LUC7L2: variants seen among roughly 807,000 people sequenced by gnomAD.
LUC7L2 encodes the protein LUC7 like 2, pre-mRNA splicing factor.
LUC7L2 carries 25 observed loss-of-function variants against 52.8 expected under a neutral mutation model. That is an observed-to-expected ratio of 0.47 (90% confidence interval 0.34 to 0.66). The LOEUF is 0.66. Among genes scored for constraint, LUC7L2 ranks in the 30% least tolerant of loss-of-function variants. LUC7L2 has a pLI of 0.01. For missense variants in LUC7L2, 328 were observed against 497.8 expected (o/e 0.66, Z 3.25); for synonymous variants, 144 against 160.9 (o/e 0.89, Z 0.80).
chr7:139,376,038 G>A (rs1800691583), intron 1 of LUC7L2, 24 bp from the exon 2 acceptor site: 3 of 1,611,908 alleles, frequency 1.9e-6, no homozygotes, highest in South Asian at 1.1e-5. Context: ...AACCTTGAAT[G>A]TTATTAACTC....
intron 2 of LUC7L2, among the ~76,000 whole-genome samples, chr7:139,376,712 T>G (rs73484708): frequency 0.013 from 2,013 of 152,322 alleles, 38 homozygotes; most frequent in African/African-American, 0.046. Context: ...GAAGATAAAC[T>G]GCATGATGAT....
rs186282286 is a variant in LUC7L2 at position 139,352,118 on chromosome 7, C to T, written c.-26+11601C>T. Among the ~76,000 whole-genome samples, 891 of 152,198 alleles carry T rather than the reference C, an allele frequency of 5.9e-3. 7 individuals carry two copies. The highest frequency in any genetic ancestry group is 0.017 in the Middle Eastern group (5 of 294). On this transcript the variant is annotated intron_variant, in intron 1 of 10. Transcript: ENST00000541170. ...GCCGAGGTAGGAAGATCACTTGAGC[C>T]CAGGAATTAGAGGCTGCAGTGAGCT... is the stretch of plus-strand genomic sequence containing the variant.
intron 1 of LUC7L2, among the ~76,000 whole-genome samples, chr7:139,348,935 T>C (rs1044024413): frequency 6.6e-6 from 1 of 151,806 alleles, no homozygotes; most frequent in South Asian, 2.1e-4. Flanking sequence ...CTGAGGCAGG[T>C]AGATCACTTG....
intron 1 of LUC7L2, among the ~76,000 whole-genome samples, chr7:139,361,465 T>C (rs1799879026): frequency 6.6e-6 from 1 of 152,254 alleles, no homozygotes; most frequent in Non-Finnish European, 1.5e-5. Context: ...TTTTAAAAAT[T>C]TTATTGCATT....
intron 9 of LUC7L2, among the ~76,000 whole-genome samples, chr7:139,419,122 A>AAC (rs1795763633): frequency 6.6e-6 from 1 of 151,034 alleles, no homozygotes; most frequent in Admixed American, 6.6e-5. Flanking sequence ...AAAACAAAAA[A>AAC]AAACAAACAA....
chr7:139,360,402 C>A, intron 1 of LUC7L2, 80 bp downstream of exon 1: 1 of 1,376,804 alleles, frequency 7.3e-7, no homozygotes, highest in Non-Finnish European at 9.9e-7. Flanking sequence ...CGCACCTGGG[C>A]GCGCGCGTGT....
intron 1 of LUC7L2, among the ~76,000 whole-genome samples, chr7:139,362,272 A>G (rs1002494053): frequency 6.6e-6 from 1 of 152,138 alleles, no homozygotes; most frequent in African/African-American, 2.4e-5. Context: ...TTTTTTTTAG[A>G]TATCAAAATT....
intron 1 of LUC7L2, among the ~76,000 whole-genome samples, chr7:139,367,057 A>G (rs1260730337): frequency 3.3e-5 from 5 of 151,838 alleles, no homozygotes; most frequent in South Asian, 2.1e-4. Flanking sequence ...GCTCACTGCA[A>G]CCTCCGCCTC....
chr7:139,419,607 T>C (rs1795794895), intron 9 of LUC7L2, among the ~76,000 whole-genome samples: 1 of 152,244 alleles, frequency 6.6e-6, no homozygotes, highest in South Asian at 2.1e-4. Flanking sequence ...CTGTCATTGT[T>C]GTTGCTGAAC....
chr7:139,366,649 G>C (rs1415098624), intron 1 of LUC7L2, among the ~76,000 whole-genome samples: 1 of 152,194 alleles, frequency 6.6e-6, no homozygotes, highest in African/African-American at 2.4e-5. Context: ...CTGAATGGTT[G>C]CAACAGAGTC....
At chr7:139,412,448 A>C (rs1012340001) in intron 7 of LUC7L2, 103 bp from the exon 8 acceptor site, 17 of 1,401,364 alleles carry the variant, frequency 1.2e-5, no homozygotes, top group Non-Finnish European at 1.6e-5. Flanking sequence ...TTGTATTTAT[A>C]AAATTAATGT....
chr7:139,406,952 G>A (rs1345717236), intron 5 of LUC7L2, among the ~76,000 whole-genome samples: 2 of 147,008 alleles, frequency 1.4e-5, no homozygotes, highest in Non-Finnish European at 3.0e-5. Context: ...TAGAGGATGG[G>A]GATAAAGGGA....
chr7:139,340,687 G>C lies in LUC7L2; in HGVS notation c.-26+170G>C, dbSNP rs571606624. 4.8e-5 allele frequency: 19 copies of C among 392,870 alleles called. 1 individual carries two copies. The East Asian group carries it at 5.8e-4, about 12-fold the overall frequency. 24.3% of individuals were successfully genotyped at this position (392,870 alleles called of 1,614,324 possible). A position where few individuals can be genotyped will look rare whatever the true frequency, so the allele number is the denominator to read the frequency against. ...ATAGTTGAATATGTTGTGTGAGCGCGTCGTTTGCAGAAGCCCCAGTGGCCT... is the reference window on the plus strand; with the variant it reads ...ATAGTTGAATATGTTGTGTGAGCGCCTCGTTTGCAGAAGCCCCAGTGGCCT... On this transcript the variant is annotated intron_variant, in intron 1 of 10. Coordinates refer to the LUC7L2 transcript ENST00000541170.
intron 1 of LUC7L2, chr7:139,340,716 G>A: frequency 2.6e-6 from 1 of 388,724 alleles, no homozygotes; most frequent in Non-Finnish European, 4.5e-6. Context: ...GTGGCCTAAT[G>A]GATAAGGCAT....
At chr7:139,404,009 A>G (rs1048441575) in intron 4 of LUC7L2, among the ~76,000 whole-genome samples, 3 of 152,246 alleles carry the variant, frequency 2.0e-5, no homozygotes, top group Non-Finnish European at 2.9e-5. Context: ...ACATGGATAC[A>G]GGGAAGAAAG....
At chr7:139,379,163 T>G (rs1800861488) in intron 2 of LUC7L2, among the ~76,000 whole-genome samples, 1 of 152,114 alleles carries the variant, frequency 6.6e-6, no homozygotes, top group Non-Finnish European at 1.5e-5. Flanking sequence ...GATCTGTCAC[T>G]TGCAGCAGAA....
chr7:139,407,062 A>G, intron 5 of LUC7L2, 112 bp from the exon 6 acceptor site: 1 of 878,868 alleles, frequency 1.1e-6, no homozygotes, highest in Non-Finnish European at 1.4e-6. Context: ...GTGCCCAGCC[A>G]CTTTTGTGTA....
At chr7:139,354,665 A>G (rs1799556132) in intron 1 of LUC7L2, among the ~76,000 whole-genome samples, 2 of 152,296 alleles carry the variant, frequency 1.3e-5, no homozygotes, top group East Asian at 1.9e-4. Context: ...CCCTGCCAGC[A>G]TTTGTCAATT....
At chr7:139,364,627 A>T (rs1800055661) in intron 1 of LUC7L2, among the ~76,000 whole-genome samples, 1 of 152,238 alleles carries the variant, frequency 6.6e-6, no homozygotes, top group Admixed American at 6.5e-5. Flanking sequence ...ACTCATCCTC[A>T]TACCCAGGAA....
Sources: gnomAD v4.1 joint callset for allele counts (sites outside exome capture counted in the v4.1 genomes callset) on GRCh38, gnomAD v4.1.1 for gene constraint, MANE v1.5 for transcripts, NCBI Gene and HGNC (gene_info 2026-07-23, HGNC 2026-07-21) for gene names.